RNF216: variants seen among roughly 807,000 people sequenced by gnomAD.
The protein encoded by RNF216 is E3 ubiquitin-protein ligase RNF216.
RNF216 carries 72 observed loss-of-function variants against 110.8 expected under a neutral mutation model. The ratio of observed to expected loss-of-function variants is 0.65; its 90% CI spans 0.54 to 0.79. The LOEUF is 0.79. RNF216 is among the 30% of genes least tolerant of loss of function. The pLI, the probability that RNF216 is intolerant of heterozygous loss-of-function variation, is 0.00. For missense variants in RNF216, 1,342 were observed against 1,141.2 expected (o/e 1.18, Z -2.54); for synonymous variants, 495 against 407.5 (o/e 1.21, Z -2.59).
chr7:5,741,935 A>C, intron 3 of RNF216, 120 bp from the exon 4 acceptor site: 1 of 966,776 alleles, frequency 1.0e-6, no homozygotes, highest in Non-Finnish European at 1.5e-6. Context: ...CTCCCTTAAC[A>C]ATACCTATTC....
chr7:5,711,397 G>A (rs185312098), intron 13 of RNF216, among the ~76,000 whole-genome samples: 139 of 152,322 alleles, frequency 9.1e-4, no homozygotes, highest in African/African-American at 3.0e-3. Flanking sequence ...GTGTGTGTGT[G>A]GGGAGGGAGG....
intron 5 of RNF216, among the ~76,000 whole-genome samples, chr7:5,734,692 C>T (rs1372421846): frequency 6.6e-6 from 1 of 151,170 alleles, no homozygotes; most frequent in African/African-American, 2.5e-5. Flanking sequence ...GGTGAGGTAA[C>T]ACATGCCTGT....
chr7:5,765,700 C>T (rs576132463), intron 1 of RNF216, among the ~76,000 whole-genome samples: 4 of 150,548 alleles, frequency 2.7e-5, no homozygotes, highest in South Asian at 2.1e-4. Context: ...CCCAGTACTT[C>T]GGGCGGCTGA....
At chr7:5,774,546 G>A (rs1432453660) in intron 1 of RNF216, among the ~76,000 whole-genome samples, 2 of 152,268 alleles carry the variant, frequency 1.3e-5, no homozygotes, top group African/African-American at 2.4e-5. Context: ...GTGACATTGT[G>A]CTATTTTTAT....
chr7:5,771,726 G>A (rs994203669), intron 1 of RNF216, among the ~76,000 whole-genome samples: 3 of 152,196 alleles, frequency 2.0e-5, no homozygotes, highest in African/African-American at 7.2e-5. Flanking sequence ...GAGCTCGAGA[G>A]GTGGAGGTTG....
intron 13 of RNF216, among the ~76,000 whole-genome samples, chr7:5,691,600 C>A (rs955899109): frequency 6.6e-6 from 1 of 152,114 alleles, no homozygotes; most frequent in Non-Finnish European, 1.5e-5. Flanking sequence ...CTTTAAAATG[C>A]CCAGCTTCTC....
Position 5,652,420 on chromosome 7 carries a change from T to C in RNF216, c.2152A>G (p.Thr718Ala). Residue 718 changes from threonine to alanine, a missense_variant, in exon 14 of 17, where the codon ACC becomes GCC. By Grantham distance (58) the Thr-to-Ala change is moderately conservative (BLOSUM62 0). Transcript: ENST00000389902. The stretch of plus-strand genomic sequence containing the variant: ...CTGAATTCTGTTACTCACATAGAGG[T>C]ACGGTACTTGATGTCGTCTTTTTCA... The part of the protein sequence containing the change: ...LAEKDDIKYR[T>A]SIEEKMTAAR... 1 of 1,609,234 alleles carries C rather than the reference T, an allele frequency of 6.2e-7. No individual in the cohort carries two copies. Among genetic ancestry groups the C allele is most frequent in the Non-Finnish European group, 8.5e-7 (1 of 1,175,630 alleles).
At chr7:5,646,926 G>A (rs1392876269) in intron 14 of RNF216, among the ~76,000 whole-genome samples, 1 of 152,166 alleles carries the variant, frequency 6.6e-6, no homozygotes, top group Non-Finnish European at 1.5e-5. Context: ...CTCAGTGTGA[G>A]GTGAAAGCCT....
intron 13 of RNF216, among the ~76,000 whole-genome samples, chr7:5,709,510 C>A (rs775734161): frequency 3.3e-5 from 5 of 152,226 alleles, no homozygotes; most frequent in Non-Finnish European, 7.3e-5. Context: ...CTACCCCACA[C>A]CACATGCCTT....
chr7:5,641,010 A>AT, intron 15 of RNF216, 144 bp downstream of exon 15: 1 of 648,534 alleles, frequency 1.5e-6, no homozygotes, highest in Non-Finnish European at 2.6e-6. Context: ...AGTTTCTCAA[A>AT]TTTTTTCTTT....
At chr7:5,772,381 G>C in intron 1 of RNF216, among the ~76,000 whole-genome samples, 1 of 152,068 alleles carries the variant, frequency 6.6e-6, no homozygotes, top group East Asian at 1.9e-4. Flanking sequence ...AACTAGACAA[G>C]AAAGAATCTC....
intron 15 of RNF216, among the ~76,000 whole-genome samples, chr7:5,638,586 G>A (rs905932524): frequency 6.6e-6 from 1 of 151,696 alleles, no homozygotes; most frequent in Non-Finnish European, 1.5e-5. Flanking sequence ...TATTAGGGGT[G>A]GCTGTTAGCC....
chr7:5,655,195 T>C (rs1226113405), intron 13 of RNF216, among the ~76,000 whole-genome samples: 1 of 152,196 alleles, frequency 6.6e-6, no homozygotes, highest in Admixed American at 6.5e-5. Context: ...CAGGTGCATG[T>C]GAGGGCCACT....
At chr7:5,753,794 A>G (rs923943083) in intron 2 of RNF216, among the ~76,000 whole-genome samples, 1 of 152,184 alleles carries the variant, frequency 6.6e-6, no homozygotes, top group African/African-American at 2.4e-5. Flanking sequence ...CAGGAGTTTG[A>G]GACCAGCCAG....
At chr7:5,719,195 G>A (rs1007884013) in intron 9 of RNF216, among the ~76,000 whole-genome samples, 2 of 152,108 alleles carry the variant, frequency 1.3e-5, no homozygotes, top group Non-Finnish European at 2.9e-5. Context: ...AGCCTGGACA[G>A]CATGGGGAAA....
chr7:5,704,049 C>A (rs1792134280), intron 13 of RNF216, among the ~76,000 whole-genome samples: 1 of 152,156 alleles, frequency 6.6e-6, no homozygotes, highest in South Asian at 2.1e-4. Flanking sequence ...CTAATGAATT[C>A]TTTATCTGAG....
chr7:5,675,463 C>CACCCTCTACGAAAA (rs1790221498), intron 13 of RNF216, among the ~76,000 whole-genome samples: 1 of 151,476 alleles, frequency 6.6e-6, no homozygotes, highest in Non-Finnish European at 1.5e-5. Flanking sequence ...CAAAGCAAGA[C>CACCCTCTACGAAAA]ACCCTCTACG....
chr7:5,635,963 G>A (rs2128562678), intron 15 of RNF216, among the ~76,000 whole-genome samples: 1 of 152,346 alleles, frequency 6.6e-6, no homozygotes, highest in Middle Eastern at 3.4e-3. Context: ...CAAAGACACT[G>A]TAGAAAACAA....
At chr7:5,656,553 C>T (rs1167455921) in intron 13 of RNF216, among the ~76,000 whole-genome samples, 4 of 152,130 alleles carry the variant, frequency 2.6e-5, no homozygotes, top group South Asian at 2.1e-4. Flanking sequence ...AAGCAGCTCC[C>T]GCCCTCTCAG....
Sources: gnomAD v4.1 joint callset for allele counts (sites outside exome capture counted in the v4.1 genomes callset) on GRCh38, gnomAD v4.1.1 for gene constraint, MANE v1.5 for transcripts, NCBI Gene and HGNC (gene_info 2026-07-23, HGNC 2026-07-21) for gene names.